The following PCIF1 variants were observed in gnomAD, a reference collection of about 807,000 sequenced individuals.
PCIF1 encodes mRNA (2'-O-methyladenosine-N(6)-)-methyltransferase.
PCIF1 carries 12 observed loss-of-function variants against 86.9 expected under a neutral mutation model. That is an observed-to-expected ratio of 0.14 (90% confidence interval 0.09 to 0.22). The LOEUF (loss-of-function observed/expected upper bound fraction) is 0.22. Among genes scored for constraint, PCIF1 ranks in the 10% least tolerant of loss-of-function variants. PCIF1 has a pLI of 1.00. For missense variants in PCIF1, 701 were observed against 951.1 expected (o/e 0.74, Z 3.46); for synonymous variants, 397 against 372.0 (o/e 1.07, Z -0.77).
chr20:45,946,052 C>T lies in PCIF1; in HGVS notation c.1365C>T (p.Cys455=). 2 of 1,614,192 alleles carry T rather than the reference C, an allele frequency of 1.2e-6. No individual in the cohort carries two copies. The highest frequency in any genetic ancestry group is 1.7e-6 in the Non-Finnish European group (2 of 1,180,034). The change falls in exon 13 of 17, where the codon TGC becomes TGT. Residue 455 remains cysteine, a synonymous_variant. Transcript: ENST00000372409. ...AGTGGCTCCTTTACCGCTACAGCTG[C>T]ATTGATGACTCTGCCTTTGAGAGGT... The part of the protein sequence containing the change: ...SKLWLLYRYS[C]IDDSAFERFL...
At chr20:45,944,604 G>C (rs1353123271) in intron 10 of PCIF1, among the ~76,000 whole-genome samples, 3 of 152,336 alleles carry the variant, frequency 2.0e-5, no homozygotes, top group Middle Eastern at 3.4e-3. Flanking sequence ...TACACTTACT[G>C]TATGCCAGGC....
chr20:45,934,837 G>T, intron 1 of PCIF1, 33 bp downstream of exon 1: 2 of 398,192 alleles, frequency 5.0e-6, no homozygotes, highest in East Asian at 3.6e-5. Flanking sequence ...GTCCCGCAGC[G>T]AGCCGCGCCA....
intron 11 of PCIF1, among the ~76,000 whole-genome samples, chr20:45,945,399 C>T (rs1482263944): frequency 6.6e-6 from 1 of 152,210 alleles, no homozygotes; most frequent in African/African-American, 2.4e-5. Context: ...ACGATGACGG[C>T]GATGCAGTTC....
At chr20:45,939,486 C>A in intron 4 of PCIF1, 147 bp downstream of exon 4, 2 of 1,145,170 alleles carry the variant, frequency 1.7e-6, no homozygotes, top group East Asian at 2.5e-5. Flanking sequence ...CAGCCCCTGC[C>A]CTCATGGAAC....
rs2083549465 is a variant in PCIF1 at position 45,947,865 on chromosome 20, G to A, written c.*110G>A. On this transcript the variant is annotated 3_prime_UTR_variant, in exon 17 of 17. Coordinates refer to ENST00000372409, the MANE Select transcript of PCIF1 (RefSeq NM_022104.4). This position sits in a 1 kb window ranked among gnomAD's most constrained non-coding sequence, Gnocchi z 5.4. ...CTGCCACTGACATATGAAGATTATG[G>A]TTCTGCCAGGGCTCCCCTCCCTGCC... 12 of 1,531,754 alleles carry A rather than the reference G, an allele frequency of 7.8e-6. No individual in the cohort carries two copies. The highest frequency in any genetic ancestry group is 1.0e-5 in the Non-Finnish European group (12 of 1,147,558). The allele number at this position is 1,531,754 out of a possible 1,614,324, so 94.9% of individuals were successfully genotyped here.
Position 45,947,733 on chromosome 20 carries a change from G to A in PCIF1, c.2093G>A (p.Ser698Asn). Residue 698 changes from serine (S) to asparagine (N), a missense_variant, in exon 17 of 17, where the codon AGC becomes AAC. Transcript: ENST00000372409. This position sits in a 1 kb window ranked among gnomAD's most constrained non-coding sequence, Gnocchi z 5.4. ...DRDSGREQGP[S>N]REPHPT ...GACTCGGGCCGTGAGCAGGGTCCTA[G>A]CCGCGAGCCTCACCCCACTTAACAT... is the stretch of plus-strand genomic sequence containing the variant. The A allele has an allele frequency of 6.2e-7, 1 of 1,601,948 alleles. No homozygotes were observed. Among genetic ancestry groups the A allele is most frequent in the East Asian group, 2.2e-5 (1 of 44,662 alleles).
At position 45,940,475 on chromosome 20, in the gene PCIF1, T is replaced by G. The variant is rs745971471; in HGVS notation, c.250T>G (p.Ser84Ala). ...AACTCTGCTGGTCTCCCTCCACCAG[T>G]CGGACCCTTTGGGGCTGAATGCGAC... ...MPVLGQHDVI[S>A]DPLGLNATPL... Residue 84 changes from serine to alanine, a missense_variant and splice_region_variant, in exon 5 of 17, where the codon TCG (serine) becomes GCG (alanine). Ser to Ala is a moderately conservative substitution (Grantham distance 99). Transcript: ENST00000372409. 7 of 1,599,114 alleles carry G rather than the reference T, an allele frequency of 4.4e-6. No individual in the cohort carries two copies. The highest frequency in any genetic ancestry group is 2.3e-5 in the East Asian group (1 of 44,172).
In PCIF1 at chr20:45,943,500, A is replaced by G; in HGVS notation, c.905+77A>G. On this transcript the variant is annotated intron_variant, in intron 9 of 16. Coordinates refer to ENST00000372409, the MANE Select transcript of PCIF1 (RefSeq NM_022104.4). The surrounding 1 kb of genome is among the most constrained non-coding windows in gnomAD (Gnocchi z 5.5). Reference sequence around the variant, plus strand: ...GTCATAGGCCATCTTGCCCAGTCTCATGCAGGGCTGTCATTGCTCTCGGTG... The same window carrying G: ...GTCATAGGCCATCTTGCCCAGTCTCGTGCAGGGCTGTCATTGCTCTCGGTG... The G allele has an allele frequency of 1.4e-6, 2 of 1,454,970 alleles. No homozygotes were observed. The highest frequency in any genetic ancestry group is 9.5e-7 in the Non-Finnish European group (1 of 1,052,018). 90.1% of individuals were successfully genotyped at this position (1,454,970 alleles called of 1,614,324 possible).
intron 1 of PCIF1, among the ~76,000 whole-genome samples, chr20:45,936,862 A>G (rs1190899424): frequency 6.6e-6 from 1 of 152,148 alleles, no homozygotes; most frequent in Admixed American, 6.5e-5. Flanking sequence ...CAGGAGTTGG[A>G]GGTTGCAGTG....
chr20:45,944,842 G>T (rs764609790), intron 10 of PCIF1, 26 bp from the exon 11 acceptor site: 1 of 1,600,178 alleles, frequency 6.2e-7, no homozygotes, highest in South Asian at 1.1e-5. Context: ...CTCCACTAGC[G>T]CCCTGATCCA....
intron 2 of PCIF1, among the ~76,000 whole-genome samples, chr20:45,938,464 T>C (rs1202890624): frequency 6.6e-6 from 1 of 152,222 alleles, no homozygotes; most frequent in Non-Finnish European, 1.5e-5. Flanking sequence ...CTGTTCTGTC[T>C]TTTTTGCTGC....
rs1303777873 is a variant in PCIF1, at chr20:45,937,832, A to T, written c.-20+247A>T. On this transcript the variant is annotated intron_variant, in intron 2 of 16. Transcript: ENST00000372409. Reference sequence around the variant, plus strand: ...CTTTTCCCTTCCTAAATTAAGGAAGACGTCTATGATGGAGTGTACAATAAA... The same window carrying T: ...CTTTTCCCTTCCTAAATTAAGGAAGTCGTCTATGATGGAGTGTACAATAAA... The T allele has an allele frequency of 1.1e-5, 4 of 359,198 alleles. No individual in the cohort carries two copies. In the East Asian group the frequency reaches 1.2e-4, roughly 11 times the overall value. 22.3% of individuals were successfully genotyped at this position (359,198 alleles called of 1,614,324 possible).
At chr20:45,934,927 T>C in intron 1 of PCIF1, 123 bp downstream of exon 1, 1 of 395,570 alleles carries the variant, frequency 2.5e-6, no homozygotes. Context: ...CTGTCTCTGT[T>C]GCCGCCGCCA....
At position 45,947,511 on chromosome 20, in the gene PCIF1, C is replaced by T; in HGVS notation, c.1884-13C>T. ...GGCCCAGCCCCACCCTGAGCCATTG[C>T]CTTTGCCCGCAGGGAGGAAATGCAC... On this transcript the variant is annotated splice_polypyrimidine_tract_variant and intron_variant, in intron 16 of 16. Transcript: ENST00000372409. This position sits in a 1 kb window ranked among gnomAD's most constrained non-coding sequence, Gnocchi z 5.4. The T allele has an allele frequency of 6.2e-7, 1 of 1,613,682 alleles. No homozygotes were observed. Among genetic ancestry groups the T allele is most frequent in the Non-Finnish European group, 8.5e-7 (1 of 1,179,960 alleles).
At chr20:45,942,974 A>G in intron 7 of PCIF1, 123 bp from the exon 8 acceptor site, 1 of 994,802 alleles carries the variant, frequency 1.0e-6, no homozygotes, top group East Asian at 2.6e-5. Flanking sequence ...AATGCAGCCT[A>G]GAAGCTTCTG....
chr20:45,935,475 A>T (rs4141957), intron 1 of PCIF1, among the ~76,000 whole-genome samples: 135,203 of 152,076 alleles, frequency 0.89, 60,886 homozygotes, highest in Non-Finnish European at 0.95. Context: ...AAAGACGTTA[A>T]CTTAAGAGCA....
chr20:45,939,992 G>A (rs550478906), intron 4 of PCIF1, among the ~76,000 whole-genome samples: 150 of 152,304 alleles, frequency 9.8e-4, no homozygotes, highest in African/African-American at 3.5e-3. Context: ...AATAGGCAGA[G>A]CAGGACGCAC....
At chr20:45,935,349 TC>T (rs1342690621) in intron 1 of PCIF1, among the ~76,000 whole-genome samples, 48 of 152,326 alleles carry the variant, frequency 3.2e-4, no homozygotes, top group Admixed American at 6.5e-4. Context: ...AATCCCGGAC[TC>T]GGACTCTGGC....
chr20:45,936,787 C>T (rs2083430342), intron 1 of PCIF1, among the ~76,000 whole-genome samples: 1 of 152,054 alleles, frequency 6.6e-6, no homozygotes, highest in Admixed American at 6.6e-5. Flanking sequence ...AGAAAATTAG[C>T]CAGCTGTGAC....
Sources: gnomAD v4.1 joint callset for allele counts (sites outside exome capture counted in the v4.1 genomes callset) on GRCh38, gnomAD v4.1.1 for gene constraint, Gnocchi (gnomAD v3.1) non-coding constraint, MANE v1.5 for transcripts, NCBI Gene and HGNC (gene_info 2026-07-23, HGNC 2026-07-21) for gene names.